CDK12: variants seen among roughly 807,000 people sequenced by gnomAD.
The protein encoded by CDK12 is cyclin-dependent kinase 12.
A neutral mutation model predicts 133.8 loss-of-function variants in CDK12; 17 were observed. That is an observed-to-expected ratio of 0.13 (90% CI 0.09 to 0.19). The LOEUF is 0.19. Among genes scored for constraint, CDK12 ranks in the 10% least tolerant of loss-of-function variants. The pLI, the probability that CDK12 is intolerant of heterozygous loss-of-function variation, is 1.00. For missense variants in CDK12, 1,508 were observed against 1,818.7 expected (o/e 0.83, Z 3.11); for synonymous variants, 694 against 683.6 (o/e 1.02, Z -0.24).
intron 1 of CDK12, among the ~76,000 whole-genome samples, chr17:39,466,615 G>GGAAAAAAAAAAAAAA: frequency 3.2e-5 from 1 of 31,482 alleles, no homozygotes; most frequent in Middle Eastern, 0.025. Context: ...AACTCTATCT[G>GGAAAAAAAAAAAAAA]AAAAAAAAAA....
At chr17:39,466,890 G>A (rs1194378279) in intron 1 of CDK12, among the ~76,000 whole-genome samples, 1 of 147,726 alleles carries the variant, frequency 6.8e-6, no homozygotes, top group East Asian at 2.0e-4. Context: ...AGAGTCAGAG[G>A]AACATATAGA....
intron 10 of CDK12, among the ~76,000 whole-genome samples, chr17:39,517,957 A>G (rs187212154): frequency 8.8e-4 from 132 of 149,352 alleles, no homozygotes; most frequent in African/African-American, 3.0e-3. Context: ...GGCTCAAGCA[A>G]TCCTCCCACC....
At position 39,524,813 on chromosome 17, in the gene CDK12, G is replaced by A. The variant is rs2146689556; in HGVS notation, c.3235G>A (p.Val1079Met). The A allele has an allele frequency of 6.2e-7, 1 of 1,614,250 alleles. No homozygotes were observed. Among genetic ancestry groups the A allele is most frequent in the Non-Finnish European group, 8.5e-7 (1 of 1,180,050 alleles). ...ETTSGTSTEP[V>M]KNSSPAPPQP... ...TACCTCAGGGACAAGTACTGAGCCT[G>A]TGAAGAACAGCAGCCCAGCACCACC... Residue 1079 changes from valine to methionine, a missense_variant, in exon 12 of 14, where the codon GTG becomes ATG. Physicochemically the swap from Val to Met is conservative, Grantham distance 21. Around this residue, in one of 9 missense-constraint regions of CDK12, gnomAD observed 399 missense variants for 469.6 expected, o/e 0.85. Transcript: ENST00000447079.
At chr17:39,500,719 GA>G (rs2052656288) in intron 5 of CDK12, among the ~76,000 whole-genome samples, 3 of 132,382 alleles carry the variant, frequency 2.3e-5, no homozygotes, top group African/African-American at 7.6e-5. Flanking sequence ...ACTAGGAATT[GA>G]AAGATTAATT....
chr17:39,566,652 C>T (rs1368985970), downstream of CDK12, among the ~76,000 whole-genome samples: 1 of 152,182 alleles, frequency 6.6e-6, no homozygotes. Flanking sequence ...GGAAAAAGCT[C>T]TGGGCTCTAC....
chr17:39,540,173 A>C (rs1242995767), intron 1 of CDK12, among the ~76,000 whole-genome samples: 1 of 152,252 alleles, frequency 6.6e-6, no homozygotes, highest in Non-Finnish European at 1.5e-5. Context: ...GTCCATAGGA[A>C]TTAGCAAGGC....
intron 11 of CDK12, among the ~76,000 whole-genome samples, chr17:39,523,900 C>G (rs185052223): frequency 6.6e-6 from 1 of 152,170 alleles, no homozygotes; most frequent in Non-Finnish European, 1.5e-5. Flanking sequence ...ATCCGCCTGC[C>G]TCTACCTCCC....
In CDK12 at chr17:39,531,443, C is replaced by G; in HGVS notation, c.*127C>G. 1 of 910,908 alleles carries G rather than the reference C, an allele frequency of 1.1e-6. No homozygotes were observed. The highest frequency in any genetic ancestry group is 3.1e-5 in the East Asian group (1 of 32,062). 56.4% of individuals were successfully genotyped at this position (910,908 alleles called of 1,614,324 possible). Reference sequence around the variant, plus strand: ...TGCATTTGGCTACTGCAAAGCTGTCCGTTGTATTCCTTGCTCACTTGCTAC... The same window carrying G: ...TGCATTTGGCTACTGCAAAGCTGTCGGTTGTATTCCTTGCTCACTTGCTAC... On this transcript the variant is annotated 3_prime_UTR_variant, in exon 14 of 14. Coordinates refer to ENST00000447079, the MANE Select transcript of CDK12 (RefSeq NM_016507.4).
intron 3 of CDK12, among the ~76,000 whole-genome samples, chr17:39,557,315 G>A (rs1010975331): frequency 1.3e-5 from 2 of 152,160 alleles, no homozygotes; most frequent in Admixed American, 6.5e-5. Context: ...CATTCTCTAA[G>A]CTGGTCTTTT....
intron 2 of CDK12, among the ~76,000 whole-genome samples, chr17:39,483,575 T>C (rs979666064): frequency 3.3e-5 from 5 of 152,128 alleles, no homozygotes; most frequent in Non-Finnish European, 7.4e-5. Context: ...GAAATCATGT[T>C]TTAAACAACC....
chr17:39,555,329 C>T (rs934249820), intron 2 of CDK12, among the ~76,000 whole-genome samples: 2 of 152,076 alleles, frequency 1.3e-5, no homozygotes, highest in African/African-American at 2.4e-5. Flanking sequence ...GAGGAGGGTT[C>T]TGTGACAGAG....
chr17:39,563,734 G>A (rs1160999142), intron 3 of CDK12, among the ~76,000 whole-genome samples: 5 of 152,080 alleles, frequency 3.3e-5, no homozygotes, highest in Middle Eastern at 6.8e-3. Context: ...AGCAGGGCTC[G>A]GCTGCCATTG....
intron 5 of CDK12, among the ~76,000 whole-genome samples, chr17:39,498,205 C>A (rs2052289005): frequency 6.6e-6 from 1 of 151,600 alleles, no homozygotes; most frequent in Non-Finnish European, 1.5e-5. Flanking sequence ...TGTTGCCCAG[C>A]CTGGTCTTTT....
chr17:39,467,767 A>G (rs2145090962), intron 1 of CDK12, among the ~76,000 whole-genome samples: 1 of 152,286 alleles, frequency 6.6e-6, no homozygotes, highest in East Asian at 1.9e-4. Flanking sequence ...ATATGTACAG[A>G]AGGAATGTTA....
At chr17:39,511,219 A>G (rs866443843) in intron 7 of CDK12, among the ~76,000 whole-genome samples, 11 of 148,572 alleles carry the variant, frequency 7.4e-5, no homozygotes, top group African/African-American at 2.4e-4. Context: ...CGTCTCAAAA[A>G]AAAAAAAAAA....
rs1315231677 is a variant in CDK12 at position 39,517,569 on chromosome 17, A to G, written c.2963+13A>G. 6.9e-7 allele frequency: 1 copy of G among 1,454,654 alleles called. No homozygotes were observed. Among genetic ancestry groups the G allele is most frequent in the Non-Finnish European group, 9.7e-7 (1 of 1,034,832 alleles). The allele number at this position is 1,454,654 out of a possible 1,614,324, so 90.1% of individuals were successfully genotyped here. On this transcript the variant is annotated intron_variant, in intron 10 of 13. Transcript: ENST00000447079. ...AAGAATTCTCTTTGTGAGTTTGGGGAAAATGAACATCTCGTTTCTGTGTCT... is the reference window on the plus strand; with the variant it reads ...AAGAATTCTCTTTGTGAGTTTGGGGGAAATGAACATCTCGTTTCTGTGTCT...
rs62077460 is a variant in CDK12, at chr17:39,481,712, T to C, written c.1932-8845T>C. ...TCTCTCTCTCTCTCTCTCTCTCTCT[T>C]TCTCTTTTCTTTTTTCTTTTTTTTT... On this transcript the variant is annotated intron_variant, in intron 2 of 13. Transcript: ENST00000447079. Among the ~76,000 whole-genome samples the C allele has an allele frequency of 2.3e-3, 16 of 6,824 alleles. 1 individual carries two copies. Among genetic ancestry groups the C allele is most frequent in the Non-Finnish European group, 6.2e-3 (12 of 1,922 alleles). The allele number at this position is 6,824 out of a possible 152,430, so 4.5% of individuals were successfully genotyped here.
chr17:39,508,002 G>T (rs1165073530), intron 6 of CDK12, among the ~76,000 whole-genome samples: 1 of 152,022 alleles, frequency 6.6e-6, no homozygotes, highest in Admixed American at 6.6e-5. Context: ...AGCACCTCTT[G>T]GCCTCTTTTC....
At chr17:39,551,488 CT>C (rs373147983) in intron 2 of CDK12, among the ~76,000 whole-genome samples, 7 of 149,218 alleles carry the variant, frequency 4.7e-5, no homozygotes, top group Admixed American at 2.0e-4. Flanking sequence ...AAATGCTGAG[CT>C]TTTTTTTTTG....
Sources: allele counts gnomAD v4.1 joint callset (sites outside exome capture counted in the v4.1 genomes callset), GRCh38; gene constraint gnomAD v4.1.1; regional missense constraint gnomAD v4.1.1; transcripts MANE v1.5; gene names NCBI Gene and HGNC (gene_info 2026-07-23, HGNC 2026-07-21).